Variants in POLR2E observed in about 807,000 individuals in gnomAD.
POLR2E encodes RNA polymerase II, I and III subunit E.
In POLR2E, 35 loss-of-function variants were observed where a neutral mutation model predicts 29.8. That is an observed-to-expected ratio of 1.17 (90% CI 0.90 to 1.55). The LOEUF is 1.55. Among genes scored for constraint, POLR2E ranks in the 40% most tolerant of loss-of-function variants. POLR2E has a pLI of 0.00. For synonymous variants in POLR2E, 174 were observed against 112.6 expected (o/e 1.55, Z -3.45); for missense variants, 287 against 288.6 (o/e 0.99, Z 0.04).
At chr19:1,089,820 AG>A in intron 6 of POLR2E, 63 bp downstream of exon 6, 1 of 1,321,056 alleles carries the variant, frequency 7.6e-7, no homozygotes, top group Non-Finnish European at 1.1e-6. Flanking sequence ...GAGGGACAGA[AG>A]CCCCCTTCTC....
At chr19:1,093,534 G>A (rs80332179) in intron 2 of POLR2E, among the ~76,000 whole-genome samples, 4,668 of 152,190 alleles carry the variant, frequency 0.031, 150 homozygotes, top group East Asian at 0.18. Context: ...AGGCTGCGCT[G>A]ACCCAGACGG....
intron 7 of POLR2E, among the ~76,000 whole-genome samples, chr19:1,089,238 A>G (rs1182650734): frequency 1.3e-5 from 2 of 152,148 alleles, no homozygotes; most frequent in Non-Finnish European, 2.9e-5. Context: ...GGAGAGACGC[A>G]CGCCCCGCGT....
chr19:1,094,312 G>C, intron 1 of POLR2E: 1 of 485,770 alleles, frequency 2.1e-6, no homozygotes. Flanking sequence ...GACCAAGACC[G>C]TCTGTCCACC....
At position 1,094,204 on chromosome 19, in the gene POLR2E, C is replaced by A; in HGVS notation, c.58-126G>T. 6.1e-6 allele frequency: 5 copies of A among 816,896 alleles called. No individual in the cohort carries two copies. In the South Asian group the frequency reaches 8.9e-5, roughly 15 times the overall value. 50.6% of individuals were successfully genotyped at this position (816,896 alleles called of 1,614,324 possible). On this transcript the variant is annotated intron_variant, in intron 1 of 7. Transcript: ENST00000615234. ...GTGAACAGCAAACGGGATGAACACT[C>A]ACTGTGTGCTCCATGACAGCCACCC...
chr19:1,090,885 G>T (rs375271630), intron 4 of POLR2E, 23 bp downstream of exon 4: 5 of 1,603,756 alleles, frequency 3.1e-6, no homozygotes, highest in African/African-American at 1.3e-5. Flanking sequence ...CCACGCAGGC[G>T]GGATTCCGCG....
intron 6 of POLR2E, 151 bp from the exon 7 acceptor site, chr19:1,089,702 G>A: frequency 2.5e-6 from 2 of 799,900 alleles, no homozygotes; most frequent in Non-Finnish European, 4.2e-6. Context: ...GGGAACCTGG[G>A]TCACGCTCTT....
intron 2 of POLR2E, 166 bp downstream of exon 2, chr19:1,093,738 A>T (rs2074443): frequency 2.1e-6 from 3 of 1,407,086 alleles, no homozygotes; most frequent in Non-Finnish European, 2.8e-6. Flanking sequence ...GGGGTCAGAG[A>T]TCAACGGCAT....
At chr19:1,091,132 G>A in intron 3 of POLR2E, 144 bp from the exon 4 acceptor site, 2 of 642,172 alleles carry the variant, frequency 3.1e-6, no homozygotes, top group Admixed American at 2.9e-5. Flanking sequence ...CGCCAGCCCA[G>A]GAGCCTTCAA....
At chr19:1,095,038 G>C in intron 1 of POLR2E, 1 of 412,340 alleles carries the variant, frequency 2.4e-6, no homozygotes. Context: ...CCACCCCTAA[G>C]CACCGCACCC....
At chr19:1,092,839 C>T (rs906203269) in intron 2 of POLR2E, among the ~76,000 whole-genome samples, 12 of 148,152 alleles carry the variant, frequency 8.1e-5, no homozygotes, top group African/African-American at 3.0e-4. Flanking sequence ...TGAGATTGCG[C>T]CACTGCACAC....
Position 1,087,154 on chromosome 19 carries a change from G to A in POLR2E, c.*1581C>T, listed in dbSNP as rs1049274536. 2 of 151,302 alleles carry A rather than the reference G, an allele frequency of 1.3e-5. No individual in the cohort carries two copies. Among genetic ancestry groups the A allele is most frequent in the Non-Finnish European group, 3.0e-5 (2 of 67,774 alleles). 9.4% of individuals were successfully genotyped at this position (151,302 alleles called of 1,614,324 possible). On this transcript the variant is annotated 3_prime_UTR_variant, in exon 8 of 8. Transcript: ENST00000615234. ...TACAGGTGTGAGCCACTGTGCCCAGGTAATCTTAAAGTTTTTTGTAGAGGT... is the reference window on the plus strand; with the variant it reads ...TACAGGTGTGAGCCACTGTGCCCAGATAATCTTAAAGTTTTTTGTAGAGGT...
Position 1,094,035 on chromosome 19 carries a change from T to G in POLR2E, c.101A>C (p.Asp34Ala), listed in dbSNP as rs760879470. 1 of 1,613,488 alleles carries G rather than the reference T, an allele frequency of 6.2e-7. No individual in the cohort carries two copies. The highest frequency in any genetic ancestry group is 8.5e-7 in the Non-Finnish European group (1 of 1,179,806). Reference sequence around the variant, plus strand: ...GGCTTTGAACTCCTCCAGGGTCTGGTCAAGCTCGTCCTGGGTCACCAGATA... The same window carrying G: ...GGCTTTGAACTCCTCCAGGGTCTGGGCAAGCTCGTCCTGGGTCACCAGATA... ...RGYLVTQDEL[D>A]QTLEEFKAQS... Residue 34 changes from aspartate (D) to alanine (A), a missense_variant, in exon 2 of 8, where the codon GAC (aspartate) becomes GCC (alanine). Asp to Ala is a moderately radical substitution (Grantham distance 126). Coordinates refer to ENST00000615234, the MANE Select transcript of POLR2E (RefSeq NM_002695.5).
intron 3 of POLR2E, 149 bp downstream of exon 3, chr19:1,091,643 G>C (rs925963470): frequency 1.0e-4 from 63 of 624,542 alleles, no homozygotes; most frequent in Non-Finnish European, 1.5e-4. Context: ...GGAGGCGGTC[G>C]GGGCTTGCCG....
intron 6 of POLR2E, 120 bp from the exon 7 acceptor site, chr19:1,089,671 G>T (rs2043786930): frequency 1.1e-6 from 1 of 903,092 alleles, no homozygotes. Flanking sequence ...GGCTGACCCT[G>T]GGCTGTGGGA....
At chr19:1,089,622 C>T (rs2145133472) in intron 6 of POLR2E, 71 bp from the exon 7 acceptor site, 1 of 1,338,634 alleles carries the variant, frequency 7.5e-7, no homozygotes, top group Non-Finnish European at 1.1e-6. Flanking sequence ...AGCAGGCGGG[C>T]AGCACACGGG....
At chr19:1,090,821 G>T in intron 4 of POLR2E, 87 bp downstream of exon 4, 1 of 1,165,774 alleles carries the variant, frequency 8.6e-7, no homozygotes, top group Non-Finnish European at 1.2e-6. Flanking sequence ...CCTGCCCTGG[G>T]CCCCAGATCC....
At position 1,093,708 on chromosome 19, in the gene POLR2E, G is replaced by A. The variant is rs960891316; in HGVS notation, c.232+196C>T. 1.4e-5 allele frequency: 19 copies of A among 1,371,044 alleles called. No homozygotes were observed. The African/African-American group carries it at 2.7e-4, about 20-fold the overall frequency. 84.9% of individuals were successfully genotyped at this position (1,371,044 alleles called of 1,614,324 possible). ...GAGAAGGGGACTGAGAGGGAAACTA[G>A]AAAGAAGCTGAGCATGAGAGGGGTC... On this transcript the variant is annotated intron_variant, in intron 2 of 7. Coordinates refer to ENST00000615234, the MANE Select transcript of POLR2E (RefSeq NM_002695.5).
At chr19:1,090,297 C>T in intron 4 of POLR2E, 152 bp from the exon 5 acceptor site, 1 of 699,496 alleles carries the variant, frequency 1.4e-6, no homozygotes. Flanking sequence ...CCACCCCACC[C>T]TGGCTCCACA....
At chr19:1,095,168 CGA>C (rs2043914117) in intron 1 of POLR2E, 89 bp downstream of exon 1, 2 of 1,342,352 alleles carry the variant, frequency 1.5e-6, no homozygotes, top group East Asian at 2.4e-5. Context: ...GCTGCTCCGA[CGA>C]GAGTACGAGG....
Sources: gnomAD v4.1 joint callset for allele counts (sites outside exome capture counted in the v4.1 genomes callset) on GRCh38, gnomAD v4.1.1 for gene constraint, MANE v1.5 for transcripts, NCBI Gene and HGNC (gene_info 2026-07-23, HGNC 2026-07-21) for gene names.